PDE8A: variants seen among roughly 807,000 people sequenced by gnomAD.
The protein encoded by PDE8A is high affinity cAMP-specific and IBMX-insensitive 3',5'-cyclic phosphodiesterase 8A.
A neutral mutation model predicts 105.0 loss-of-function variants in PDE8A; 59 were observed. That is an observed-to-expected ratio of 0.56 (90% CI 0.46 to 0.70). PDE8A has a LOEUF of 0.70. PDE8A is among the 30% of genes least tolerant of loss of function. The pLI is 0.00. For missense variants in PDE8A, 1,014 were observed against 1,045.9 expected (o/e 0.97, Z 0.42); for synonymous variants, 355 against 371.9 (o/e 0.95, Z 0.52).
At chr15:85,024,470 A>C (rs1374023439) in intron 1 of PDE8A, among the ~76,000 whole-genome samples, 3 of 151,684 alleles carry the variant, frequency 2.0e-5, no homozygotes, top group Admixed American at 6.6e-5. Context: ...GCCTTAGCCA[A>C]GTTCCATGCA....
At chr15:85,023,266 A>G (rs540654404) in intron 1 of PDE8A, among the ~76,000 whole-genome samples, 2 of 152,290 alleles carry the variant, frequency 1.3e-5, no homozygotes, top group African/African-American at 4.8e-5. Context: ...GGGTTCACCA[A>G]AGGATTTCTA....
chr15:85,012,508 T>C (rs558261444), intron 1 of PDE8A, among the ~76,000 whole-genome samples: 66 of 119,894 alleles, frequency 5.5e-4, no homozygotes, highest in African/African-American at 1.8e-3. Flanking sequence ...TGAGAACACA[T>C]GGACACAGGA....
chr15:85,112,237 A>G (rs1357199631), intron 12 of PDE8A, among the ~76,000 whole-genome samples: 1 of 152,126 alleles, frequency 6.6e-6, no homozygotes, highest in Non-Finnish European at 1.5e-5. Context: ...CTATCTGTAC[A>G]TTGTGAAATG....
intron 1 of PDE8A, among the ~76,000 whole-genome samples, chr15:85,041,960 C>T (rs1257135311): frequency 5.9e-5 from 9 of 152,094 alleles, no homozygotes; most frequent in Middle Eastern, 3.2e-3. Context: ...CCCCAAGTTC[C>T]GTTTTCTTTT....
Position 85,129,760 on chromosome 15 carries a change from C to T in PDE8A, c.2253+3386C>T, listed in dbSNP as rs534062118. Reference sequence around the variant, plus strand: ...GGTTTAGTTTATTCTTTCTGTAGCTCCATAACATGTTAAGTTAGGTTGTTG... The same window carrying T: ...GGTTTAGTTTATTCTTTCTGTAGCTTCATAACATGTTAAGTTAGGTTGTTG... On this transcript the variant is annotated intron_variant, in intron 20 of 21. Coordinates refer to ENST00000394553, the MANE Select transcript of PDE8A (RefSeq NM_002605.3). Among the ~76,000 whole-genome samples, 8 of 152,214 alleles carry T rather than the reference C, an allele frequency of 5.3e-5. No homozygotes were observed. The South Asian group carries it at 1.7e-3, about 32-fold the overall frequency.
At chr15:85,023,214 G>A (rs961431278) in intron 1 of PDE8A, among the ~76,000 whole-genome samples, 27 of 152,158 alleles carry the variant, frequency 1.8e-4, no homozygotes, top group African/African-American at 6.0e-4. Context: ...TGAGGACGTC[G>A]CTGAATAGGG....
In PDE8A at chr15:85,117,700, A is replaced by T. The variant is rs1387003757; in HGVS notation, c.1595A>T (p.His532Leu). 6.2e-7 allele frequency: 1 copy of T among 1,613,984 alleles called. No individual in the cohort carries two copies. Among genetic ancestry groups the T allele is most frequent in the Non-Finnish European group, 8.5e-7 (1 of 1,179,940 alleles). ...FARFGICEFL[H>L]CSESTLRSWL... is the part of the protein sequence containing the mutation. ...CGCTTTGGAATCTGTGAATTCTTAC[A>T]CTGCTCCGAGTCAACGCTAAGATCA... The change falls in exon 17 of 22, where the codon CAC (histidine) becomes CTC (leucine). Residue 532 changes from histidine (H) to leucine (L), a missense_variant. Transcript: ENST00000394553.
chr15:85,037,107 C>G (rs1235088438), intron 1 of PDE8A, among the ~76,000 whole-genome samples: 1 of 151,574 alleles, frequency 6.6e-6, no homozygotes, highest in Non-Finnish European at 1.5e-5. Flanking sequence ...CTCTTGTCGC[C>G]CAGGCTGGAG....
chr15:85,137,141 C>T (rs1006261079), intron 21 of PDE8A, among the ~76,000 whole-genome samples: 21 of 152,152 alleles, frequency 1.4e-4, no homozygotes, highest in Middle Eastern at 3.2e-3. Context: ...CGTGCATCTT[C>T]GTCCTGAGGG....
chr15:85,089,462 T>G, intron 7 of PDE8A, 46 bp downstream of exon 7: 1 of 1,163,212 alleles, frequency 8.6e-7, no homozygotes, highest in Non-Finnish European at 1.3e-6. Context: ...TTGTTTTGCT[T>G]TTTCCAACTT....
intron 5 of PDE8A, among the ~76,000 whole-genome samples, chr15:85,079,267 C>G (rs747374089): frequency 2.0e-5 from 3 of 152,104 alleles, no homozygotes; most frequent in Non-Finnish European, 4.4e-5. Context: ...TTAGTCAACG[C>G]TAGGTGTTTG....
chr15:85,082,396 C>G (rs1364725461), intron 5 of PDE8A, among the ~76,000 whole-genome samples: 1 of 152,076 alleles, frequency 6.6e-6, no homozygotes. Flanking sequence ...TCTTTTTATT[C>G]TCGGTGACCT....
chr15:85,097,302 T>A (rs552324035), intron 8 of PDE8A, among the ~76,000 whole-genome samples: 3 of 152,302 alleles, frequency 2.0e-5, no homozygotes, highest in Admixed American at 2.0e-4. Context: ...TTGTTCTGTG[T>A]AGCCCTCTTT....
intron 20 of PDE8A, among the ~76,000 whole-genome samples, chr15:85,126,872 A>G (rs768244881): frequency 6.6e-6 from 1 of 152,174 alleles, no homozygotes; most frequent in Non-Finnish European, 1.5e-5. Context: ...CACATTACTT[A>G]TAAGAAAACA....
intron 1 of PDE8A, among the ~76,000 whole-genome samples, chr15:85,006,029 G>T (rs2080141433): frequency 6.6e-6 from 1 of 151,886 alleles, no homozygotes; most frequent in South Asian, 2.1e-4. Context: ...TTTAAAAATG[G>T]CAAATGACTC....
Position 84,982,168 on chromosome 15 carries a change from C to A in PDE8A, c.6C>A (p.Gly2=). Residue 2 remains glycine (G), a synonymous_variant, in exon 1 of 22, where the codon GGC becomes GGA. Transcript: ENST00000394553. ...TCCGCGGCGCCGCCGCCAGCATGGG[C>A]TGTGCCCCGAGCATCCACATTTCCG... M[G]CAPSIHISER... is the part of the protein sequence containing the mutation. The A allele has an allele frequency of 6.8e-7, 1 of 1,462,648 alleles. No individual in the cohort carries two copies. Among genetic ancestry groups the A allele is most frequent in the Non-Finnish European group, 9.0e-7 (1 of 1,115,364 alleles). 90.6% of individuals were successfully genotyped at this position (1,462,648 alleles called of 1,614,324 possible). A position where few individuals can be genotyped will look rare whatever the true frequency, so the allele number is the denominator to read the frequency against.
intron 1 of PDE8A, among the ~76,000 whole-genome samples, chr15:84,988,673 A>G (rs888124897): frequency 6.6e-6 from 1 of 152,094 alleles, no homozygotes; most frequent in East Asian, 1.9e-4. Context: ...GCATGTACCT[A>G]TCTTCTCAGG....
intron 8 of PDE8A, among the ~76,000 whole-genome samples, chr15:85,093,194 C>T (rs1422995569): frequency 6.6e-6 from 1 of 152,206 alleles, no homozygotes; most frequent in Non-Finnish European, 1.5e-5. Context: ...TGAGCCACTG[C>T]AGCTGGCCTG....
At chr15:85,003,364 A>G (rs1032222541) in intron 1 of PDE8A, among the ~76,000 whole-genome samples, 1 of 152,156 alleles carries the variant, frequency 6.6e-6, no homozygotes, top group African/African-American at 2.4e-5. Context: ...CTTAATTCCA[A>G]TTTGAAAATC....
Sources: gnomAD v4.1 joint callset for allele counts (sites outside exome capture counted in the v4.1 genomes callset) on GRCh38, gnomAD v4.1.1 for gene constraint, MANE v1.5 for transcripts, NCBI Gene and HGNC (gene_info 2026-07-23, HGNC 2026-07-21) for gene names.